Variants in TENT4B observed in about 807,000 individuals in gnomAD.
TENT4B encodes the protein PAP associated domain containing 5.
Under a neutral mutation model 75.0 loss-of-function variants are expected in TENT4B, and 10 were observed. The observed-to-expected ratio is 0.13, with a 90% CI of 0.08 to 0.23. The LOEUF is 0.23. TENT4B is among the 10% of genes least tolerant of loss of function. The pLI is 1.00. For missense variants in TENT4B, 579 were observed against 893.8 expected, an observed-to-expected ratio of 0.65 and a Z score of 4.49; for synonymous variants, 350 against 357.7, an observed-to-expected ratio of 0.98 and a Z score of 0.24.
chr16:50,153,366 T>TTGG lies in TENT4B; in HGVS notation c.-256_-255insTGG, dbSNP rs2037809840. ...GCACGGGGACCCCAGTGACAGGGGC[T>TTGG]CGGCGGAGGGGCGGAGGGGCGGAGG... On this transcript the variant is annotated 5_prime_UTR_variant, in exon 1 of 12. Coordinates refer to ENST00000561678, the MANE Select transcript of TENT4B (RefSeq NM_001365324.3). Among the ~76,000 whole-genome samples, 1 of 102,294 alleles carries TTGG rather than the reference T, an allele frequency of 9.8e-6. No individual in the cohort carries two copies. The highest frequency in any genetic ancestry group is 2.0e-5 in the Non-Finnish European group (1 of 50,204). 67.1% of individuals were successfully genotyped at this position (102,294 alleles called of 152,430 possible).
In TENT4B at chr16:50,234,926, C is replaced by T. The variant is rs994087948; in HGVS notation, c.*5598C>T. On this transcript the variant is annotated 3_prime_UTR_variant, in exon 12 of 12. Transcript: ENST00000561678. ...TTTATGTATTTCCTTCTTTGATTAGCATTGTCTTCAGTGTTAAGAAATGTG... is the reference window on the plus strand; with the variant it reads ...TTTATGTATTTCCTTCTTTGATTAGTATTGTCTTCAGTGTTAAGAAATGTG... 29 of 985,612 alleles carry T rather than the reference C, an allele frequency of 2.9e-5. No homozygotes were observed. The highest frequency in any genetic ancestry group is 3.4e-5 in the Non-Finnish European group (28 of 829,842). The allele number at this position is 985,612 out of a possible 1,614,324, so 61.1% of individuals were successfully genotyped here.
intron 2 of TENT4B, among the ~76,000 whole-genome samples, chr16:50,212,314 T>C (rs2031326775): frequency 6.6e-6 from 1 of 152,168 alleles, no homozygotes; most frequent in Non-Finnish European, 1.5e-5. Flanking sequence ...CGCCTTGGCC[T>C]CCCAAAGTGC....
chr16:50,222,674 T>C, intron 6 of TENT4B, among the ~76,000 whole-genome samples: 1 of 152,248 alleles, frequency 6.6e-6, no homozygotes, highest in Non-Finnish European at 1.5e-5. Flanking sequence ...TTGAGACTTT[T>C]CACTGCAAAT....
chr16:50,226,026 G>T (rs2032036934), intron 10 of TENT4B, among the ~76,000 whole-genome samples: 1 of 146,078 alleles, frequency 6.8e-6, no homozygotes, highest in Non-Finnish European at 1.5e-5. Context: ...TTGAGACGGA[G>T]TCTTGCTCTG....
At chr16:50,200,803 T>A (rs72780122) in intron 1 of TENT4B, among the ~76,000 whole-genome samples, 13,326 of 147,838 alleles carry the variant, frequency 0.09, 1,081 homozygotes, top group African/African-American at 0.23. Context: ...TTTTATTTTT[T>A]TTTTTTATTG....
At chr16:50,190,312 G>A (rs147157733) in intron 1 of TENT4B, among the ~76,000 whole-genome samples, 121 of 151,856 alleles carry the variant, frequency 8.0e-4, no homozygotes, top group Admixed American at 6.6e-3. Flanking sequence ...AAAAATTGTA[G>A]TAAAATACAT....
At chr16:50,219,918 A>G (rs1279707462) in intron 5 of TENT4B, among the ~76,000 whole-genome samples, 1 of 151,402 alleles carries the variant, frequency 6.6e-6, no homozygotes, top group Non-Finnish European at 1.5e-5. Context: ...TCTTGGGCTC[A>G]AGTGATCCTC....
rs2032372981 is a variant in TENT4B at position 50,233,955 on chromosome 16, A to G, written c.*4627A>G. The G allele has an allele frequency of 1.0e-6, 1 of 985,328 alleles. No individual in the cohort carries two copies. Among genetic ancestry groups the G allele is most frequent in the Admixed American group, 6.1e-5 (1 of 16,266 alleles). The allele number at this position is 985,328 out of a possible 1,614,324, so 61.0% of individuals were successfully genotyped here. A position where few individuals can be genotyped will look rare whatever the true frequency, so the allele number is the denominator to read the frequency against. ...AGTGAACATTTTTATTAGTAGTTGC[A>G]TATCATCTCTAGTTCCACATTTTAA... On this transcript the variant is annotated 3_prime_UTR_variant, in exon 12 of 12. Transcript: ENST00000561678.
intron 5 of TENT4B, among the ~76,000 whole-genome samples, chr16:50,220,344 T>G (rs965542126): frequency 1.3e-5 from 2 of 151,738 alleles, no homozygotes; most frequent in African/African-American, 4.8e-5. Context: ...GCCACTTTTT[T>G]TTTTCTTTTT....
Position 50,230,509 on chromosome 16 carries a change from ATTTTC to A in TENT4B, c.*1184_*1188del. On this transcript the variant is annotated 3_prime_UTR_variant, in exon 12 of 12. Transcript: ENST00000561678. ...AATTAAATCATACTTATAAAAAACT[ATTTTC>A]TTATATTCCACTCTATGCTTTTGGT... 1 of 977,738 alleles carries A rather than the reference ATTTTC, an allele frequency of 1.0e-6. No individual in the cohort carries two copies. The highest frequency in any genetic ancestry group is 1.2e-6 in the Non-Finnish European group (1 of 822,692). 60.6% of individuals were successfully genotyped at this position (977,738 alleles called of 1,614,324 possible).
chr16:50,171,733 G>A (rs980756465), intron 1 of TENT4B, among the ~76,000 whole-genome samples: 26 of 152,180 alleles, frequency 1.7e-4, no homozygotes, highest in African/African-American at 4.3e-4. Flanking sequence ...GGGAGCCCAA[G>A]GCAGGCGGAT....
chr16:50,218,229 A>G (rs1288521071), intron 5 of TENT4B, among the ~76,000 whole-genome samples: 1 of 152,090 alleles, frequency 6.6e-6, no homozygotes, highest in Non-Finnish European at 1.5e-5. Context: ...ATTCTACTAC[A>G]CAGTTGATTC....
At chr16:50,159,032 G>A (rs999980677) in intron 1 of TENT4B, among the ~76,000 whole-genome samples, 1 of 152,176 alleles carries the variant, frequency 6.6e-6, no homozygotes, top group Admixed American at 6.5e-5. Flanking sequence ...GGACCTGCTA[G>A]TGGGGAGCTG....
chr16:50,209,248 A>G (rs956954185), intron 1 of TENT4B, among the ~76,000 whole-genome samples: 2 of 152,222 alleles, frequency 1.3e-5, no homozygotes, highest in Non-Finnish European at 1.5e-5. Flanking sequence ...ACAGCAGACT[A>G]CGCAATGAGA....
chr16:50,181,713 A>C (rs945761929), intron 1 of TENT4B, among the ~76,000 whole-genome samples: 5 of 152,092 alleles, frequency 3.3e-5, no homozygotes, highest in Admixed American at 2.6e-4. Context: ...GTTTTTGCAC[A>C]TGCCTCTTTA....
At chr16:50,204,080 G>T (rs1239716792) in intron 1 of TENT4B, among the ~76,000 whole-genome samples, 1 of 152,184 alleles carries the variant, frequency 6.6e-6, no homozygotes, top group Non-Finnish European at 1.5e-5. Flanking sequence ...GGAAGCTCTT[G>T]GGAGTGAGGC....
At position 50,231,834 on chromosome 16, in the gene TENT4B, T is replaced by C; in HGVS notation, c.*2506T>C. On this transcript the variant is annotated 3_prime_UTR_variant, in exon 12 of 12. Coordinates refer to ENST00000561678, the MANE Select transcript of TENT4B (RefSeq NM_001365324.3). ...TAAAATACTTTCAAGAACTTTTAGT[T>C]TGCCTGCTCATTTGTTTTATACATT... The C allele has an allele frequency of 1.0e-6, 1 of 985,078 alleles. No homozygotes were observed. The highest frequency in any genetic ancestry group is 1.2e-6 in the Non-Finnish European group (1 of 829,328). 61.0% of individuals were successfully genotyped at this position (985,078 alleles called of 1,614,324 possible). A position where few individuals can be genotyped will look rare whatever the true frequency, so the allele number is the denominator to read the frequency against.
chr16:50,194,165 T>C, intron 1 of TENT4B, among the ~76,000 whole-genome samples: 1 of 152,260 alleles, frequency 6.6e-6, no homozygotes, highest in East Asian at 1.9e-4. Flanking sequence ...TCTTTTGAGA[T>C]AGTATCTTCT....
rs542325221 is a variant in TENT4B at position 50,173,797 on chromosome 16, G to T, written c.638+19538G>T. On this transcript the variant is annotated intron_variant, in intron 1 of 11. Transcript: ENST00000561678. ...CAACCTCTGCCTCCTGGGTTCAAGT[G>T]ATTCTCCTGCCTCAGCTCCCCAGGT... Among the ~76,000 whole-genome samples the T allele has an allele frequency of 4.1e-4, 62 of 152,230 alleles. 2 individuals are homozygous for T. In the South Asian group the frequency reaches 0.011, roughly 27 times the overall value.
Sources: allele counts gnomAD v4.1 joint callset (sites outside exome capture counted in the v4.1 genomes callset), GRCh38; gene constraint gnomAD v4.1.1; transcripts MANE v1.5; gene names NCBI Gene and HGNC (gene_info 2026-07-23, HGNC 2026-07-21).